The following MALRD1 variants were observed in gnomAD, a reference collection of about 807,000 sequenced individuals.
The protein encoded by MALRD1 is MAM and LDL-receptor class A domain-containing protein 1.
A neutral mutation model predicts 242.1 loss-of-function variants in MALRD1; 247 were observed. That is an observed-to-expected ratio of 1.02 (90% CI 0.92 to 1.13). MALRD1 has a LOEUF of 1.13. Ranked by LOEUF, MALRD1 falls within the 50% of genes most tolerant of loss-of-function variation. The pLI is 0.00. For missense variants in MALRD1, 2,989 were observed against 2,533.1 expected (o/e 1.18, Z -3.86); for synonymous variants, 995 against 866.6 (o/e 1.15, Z -2.60).
At chr10:19,656,808 A>G (rs1841174122) in intron 36 of MALRD1, among the ~76,000 whole-genome samples, 1 of 152,072 alleles carries the variant, frequency 6.6e-6, no homozygotes, top group East Asian at 1.9e-4. Context: ...TGTCTTCTTG[A>G]AGCATTTTAT....
chr10:19,594,228 G>A (rs1026472223), intron 33 of MALRD1, among the ~76,000 whole-genome samples: 2 of 152,138 alleles, frequency 1.3e-5, no homozygotes, highest in African/African-American at 4.8e-5. Flanking sequence ...TGAAGGCATA[G>A]AAATAAAAAT....
Position 19,592,571 on chromosome 10 carries a change from C to T in MALRD1, c.5681-2623C>T, listed in dbSNP as rs1303101793. Among the ~76,000 whole-genome samples the T allele has an allele frequency of 6.6e-5, 10 of 152,142 alleles. No individual in the cohort carries two copies. The South Asian group carries it at 1.0e-3, about 16-fold the overall frequency. On this transcript the variant is annotated intron_variant, in intron 33 of 39. Transcript: ENST00000454679. ...GCAGTACAAGCCAGTATCTGTTATA[C>T]GCAGGACAAGCCCAATGGCGACCTT...
chr10:19,379,682 CT>C lies in MALRD1; in HGVS notation c.4442-7845del, dbSNP rs1367200099. On this transcript the variant is annotated intron_variant, in intron 26 of 39. Transcript: ENST00000454679. ...TTAATTCTTCTAAATTTATTGAAAC[CT>C]GTTTTATGGCCTTTTATATGGTCCA... 2.0e-5 allele frequency among the ~76,000 whole-genome samples: 3 copies of C among 152,198 alleles called. No individual in the cohort carries two copies. In the East Asian group the frequency reaches 5.8e-4, roughly 29 times the overall value.
At chr10:19,683,852 C>T (rs2131801082) in intron 36 of MALRD1, among the ~76,000 whole-genome samples, 1 of 152,222 alleles carries the variant, frequency 6.6e-6, no homozygotes, top group Middle Eastern at 3.4e-3. Context: ...TGGTGGTTTG[C>T]TGCACATATC....
chr10:19,646,978 G>A (rs1181850750), intron 36 of MALRD1, among the ~76,000 whole-genome samples: 2 of 152,148 alleles, frequency 1.3e-5, no homozygotes, highest in Non-Finnish European at 2.9e-5. Flanking sequence ...AGGTAATTGA[G>A]CAGACAGGAG....
chr10:19,067,848 GTGTTGC>G (rs750609535), intron 2 of MALRD1, among the ~76,000 whole-genome samples: 163 of 152,156 alleles, frequency 1.1e-3, no homozygotes, highest in Non-Finnish European at 1.9e-3. Context: ...AATAATTTTG[GTGTTGC>G]TAATGTTACT....
intron 36 of MALRD1, among the ~76,000 whole-genome samples, chr10:19,622,260 T>TA (rs1839437770): frequency 2.0e-5 from 3 of 151,526 alleles, no homozygotes; most frequent in African/African-American, 7.3e-5. Flanking sequence ...ATTCAAACAA[T>TA]AAAAACAATT....
intron 33 of MALRD1, among the ~76,000 whole-genome samples, chr10:19,587,000 C>T (rs560991936): frequency 2.6e-5 from 4 of 152,244 alleles, no homozygotes; most frequent in Non-Finnish European, 5.9e-5. Flanking sequence ...CAGGTGCCGT[C>T]TGTCACCACT....
At chr10:19,356,956 A>G (rs1844662663) in intron 26 of MALRD1, among the ~76,000 whole-genome samples, 1 of 151,968 alleles carries the variant, frequency 6.6e-6, no homozygotes, top group Admixed American at 6.6e-5. Flanking sequence ...TAAAAATACA[A>G]AAATTAGCCA....
intron 33 of MALRD1, among the ~76,000 whole-genome samples, chr10:19,586,469 G>T (rs1276392801): frequency 6.6e-6 from 1 of 152,112 alleles, no homozygotes; most frequent in Non-Finnish European, 1.5e-5. Context: ...CTGCAGGTCT[G>T]TTGGAGTACC....
At chr10:19,207,403 A>G (rs4488099) in intron 17 of MALRD1, among the ~76,000 whole-genome samples, 111,968 of 152,084 alleles carry the variant, frequency 0.74, 41,467 homozygotes, top group South Asian at 0.83. Context: ...TGGGGGCTTC[A>G]GAGATCACCA....
At chr10:19,178,273 GA>G (rs1046275178) in intron 14 of MALRD1, among the ~76,000 whole-genome samples, 1 of 151,680 alleles carries the variant, frequency 6.6e-6, no homozygotes. Flanking sequence ...GTACACAAAG[GA>G]AAAAAAGGCA....
At chr10:19,620,768 G>T (rs1358480307) in intron 36 of MALRD1, among the ~76,000 whole-genome samples, 1 of 151,920 alleles carries the variant, frequency 6.6e-6, no homozygotes, top group Non-Finnish European at 1.5e-5. Context: ...TAAATGATGA[G>T]TGAATGTAAA....
chr10:19,340,773 A>G (rs180734514), intron 24 of MALRD1, among the ~76,000 whole-genome samples: 30 of 152,226 alleles, frequency 2.0e-4, no homozygotes, highest in Admixed American at 1.8e-3. Flanking sequence ...TCAAAATATC[A>G]TTACTTTTTA....
chr10:19,512,124 T>C (rs375307754), intron 31 of MALRD1, among the ~76,000 whole-genome samples: 7 of 152,244 alleles, frequency 4.6e-5, no homozygotes, highest in African/African-American at 1.2e-4. Context: ...AGGGGCAGTC[T>C]TTCTCTAGTG....
chr10:19,153,883 T>G (rs1004106940), intron 11 of MALRD1, among the ~76,000 whole-genome samples: 1 of 151,898 alleles, frequency 6.6e-6, no homozygotes, highest in Non-Finnish European at 1.5e-5. Flanking sequence ...TGTTTGAAAT[T>G]TGTATATTCT....
chr10:19,695,958 A>G lies in MALRD1; in HGVS notation c.6314+3404A>G, dbSNP rs117574656. ...GGGAAAAACTCACTCCCATGATTCA[A>G]TTACCTTCCGCCAAGTCACTCCAAT... On this transcript the variant is annotated intron_variant, in intron 38 of 39. Transcript: ENST00000454679. Among the ~76,000 whole-genome samples the G allele has an allele frequency of 2.5e-3, 383 of 152,288 alleles. 8 individuals carry two copies. The East Asian group carries it at 0.053, about 21-fold the overall frequency.
intron 13 of MALRD1, among the ~76,000 whole-genome samples, chr10:19,171,807 TATCA>T (rs1429019750): frequency 6.9e-6 from 1 of 144,724 alleles, no homozygotes; most frequent in Non-Finnish European, 1.5e-5. Context: ...TGTGTATATA[TATCA>T]GTTTGGTTAT....
intron 18 of MALRD1, among the ~76,000 whole-genome samples, chr10:19,218,676 A>G (rs1483022663): frequency 6.6e-6 from 1 of 152,146 alleles, no homozygotes; most frequent in Non-Finnish European, 1.5e-5. Flanking sequence ...AGAGTCCAGA[A>G]ACTCTGTCTT....
Sources: allele counts gnomAD v4.1 joint callset (sites outside exome capture counted in the v4.1 genomes callset), GRCh38; gene constraint gnomAD v4.1.1; transcripts MANE v1.5; gene names NCBI Gene and HGNC (gene_info 2026-07-23, HGNC 2026-07-21).